The following FGD3 variants were observed in gnomAD, a reference collection of about 807,000 sequenced individuals.
The protein encoded by FGD3 is FYVE, RhoGEF and PH domain containing 3.
A neutral mutation model predicts 71.8 loss-of-function variants in FGD3; 45 were observed. That is an observed-to-expected ratio of 0.63 (90% CI 0.49 to 0.80). The LOEUF (loss-of-function observed/expected upper bound fraction) is 0.80, where lower values mean the gene tolerates loss of function less well. FGD3 is among the 30% of genes least tolerant of loss of function. FGD3 has a pLI of 0.00. For missense variants in FGD3, 844 were observed against 951.5 expected (o/e 0.89, Z 1.49); for synonymous variants, 378 against 392.8 (o/e 0.96, Z 0.44).
At chr9:92,992,671 G>A (rs562448779) in intron 3 of FGD3, among the ~76,000 whole-genome samples, 16 of 152,244 alleles carry the variant, frequency 1.1e-4, no homozygotes, top group African/African-American at 2.4e-4. Flanking sequence ...GAATGCAGAC[G>A]GAGCCCAGTG....
chr9:93,033,188 T>C, intron 16 of FGD3: 2 of 425,452 alleles, frequency 4.7e-6, no homozygotes, highest in Non-Finnish European at 4.5e-6. Flanking sequence ...AGTCCAGGCC[T>C]TGAGGCCCAC....
intron 3 of FGD3, among the ~76,000 whole-genome samples, chr9:92,989,709 C>T (rs1291143378): frequency 1.3e-5 from 2 of 152,214 alleles, no homozygotes; most frequent in Non-Finnish European, 2.9e-5. Context: ...ATGTATTCAT[C>T]TGGTTCTCAG....
intron 1 of FGD3, among the ~76,000 whole-genome samples, chr9:92,974,167 C>G (rs1564145662): frequency 6.6e-6 from 1 of 152,262 alleles, no homozygotes; most frequent in East Asian, 1.9e-4. Context: ...AAGCATAATT[C>G]CCCCGAGATG....
intron 14 of FGD3, among the ~76,000 whole-genome samples, chr9:93,029,556 T>C (rs1432327411): frequency 6.6e-6 from 1 of 152,242 alleles, no homozygotes; most frequent in Non-Finnish European, 1.5e-5. Flanking sequence ...AAGTGCTGTG[T>C]TCCTCCAGCT....
intron 1 of FGD3, among the ~76,000 whole-genome samples, chr9:92,966,087 G>A (rs1402431455): frequency 6.6e-6 from 1 of 152,220 alleles, no homozygotes; most frequent in Non-Finnish European, 1.5e-5. Context: ...AACAGGATAT[G>A]AGGACCTTCA....
At chr9:92,963,450 T>A (rs955692365) in intron 1 of FGD3, among the ~76,000 whole-genome samples, 3 of 152,028 alleles carry the variant, frequency 2.0e-5, no homozygotes, top group African/African-American at 7.2e-5. Flanking sequence ...CAAGCATGCG[T>A]CACAATGCCC....
At chr9:92,959,195 A>G (rs1364892324) in intron 1 of FGD3, among the ~76,000 whole-genome samples, 1 of 152,180 alleles carries the variant, frequency 6.6e-6, no homozygotes, top group Non-Finnish European at 1.5e-5. Context: ...TCCTGACCTC[A>G]GGCAATCCGC....
intron 3 of FGD3, among the ~76,000 whole-genome samples, chr9:92,994,263 T>C (rs952268534): frequency 6.6e-6 from 1 of 152,240 alleles, no homozygotes; most frequent in African/African-American, 2.4e-5. Context: ...ATGAATGTCT[T>C]CTTTTGAGAA....
intron 13 of FGD3, among the ~76,000 whole-genome samples, chr9:93,021,570 T>G (rs1380378721): frequency 6.6e-6 from 1 of 152,076 alleles, no homozygotes; most frequent in Non-Finnish European, 1.5e-5. Context: ...CCCTGAACCC[T>G]ATGCCAGGCC....
Position 93,003,124 on chromosome 9 carries a change from T to C in FGD3, c.543+110T>C. 9.3e-7 allele frequency: 1 copy of C among 1,079,314 alleles called. No homozygotes were observed. Among genetic ancestry groups the C allele is most frequent in the Non-Finnish European group, 1.3e-6 (1 of 745,738 alleles). The allele number at this position is 1,079,314 out of a possible 1,614,324, so 66.9% of individuals were successfully genotyped here. A position where few individuals can be genotyped will look rare whatever the true frequency, so the allele number is the denominator to read the frequency against. ...AAAACTCAGACAAATTTAAGTCTGG[T>C]CTACAAACTTTTTTTTTTTTTTGAG... On this transcript the variant is annotated intron_variant, in intron 4 of 17. Coordinates refer to ENST00000375482, the MANE Select transcript of FGD3 (RefSeq NM_001083536.2). This position sits in a 1 kb window ranked among gnomAD's most constrained non-coding sequence, Gnocchi z 4.1.
At chr9:93,009,619 C>T (rs1317957571) in intron 6 of FGD3, among the ~76,000 whole-genome samples, 2 of 152,214 alleles carry the variant, frequency 1.3e-5, no homozygotes, top group East Asian at 3.9e-4. Flanking sequence ...GCATTCAGCA[C>T]ACGTGTCTGG....
At chr9:93,008,004 T>G (rs544355945) in intron 6 of FGD3, among the ~76,000 whole-genome samples, 59 of 152,252 alleles carry the variant, frequency 3.9e-4, no homozygotes, top group Non-Finnish European at 7.2e-4. Flanking sequence ...CATGGCCTTT[T>G]GCAGGTTTCC....
At chr9:93,023,268 C>T (rs926896065) in intron 14 of FGD3, among the ~76,000 whole-genome samples, 1 of 152,164 alleles carries the variant, frequency 6.6e-6, no homozygotes, top group Non-Finnish European at 1.5e-5. Flanking sequence ...GCTGGCTGCC[C>T]CCTCCCATGA....
At chr9:92,962,737 T>G (rs549203203) in intron 1 of FGD3, among the ~76,000 whole-genome samples, 57 of 152,122 alleles carry the variant, frequency 3.7e-4, no homozygotes, top group Middle Eastern at 3.4e-3. Context: ...GGTCAGGAGT[T>G]GAGACCAGCC....
intron 3 of FGD3, among the ~76,000 whole-genome samples, chr9:92,993,808 T>A (rs538207402): frequency 2.6e-5 from 4 of 152,364 alleles, no homozygotes; most frequent in Non-Finnish European, 4.4e-5. Context: ...TCATTTTTTA[T>A]GGCTGCATAG....
intron 12 of FGD3, among the ~76,000 whole-genome samples, 178 bp downstream of exon 12, chr9:93,020,039 C>T (rs1349200947): frequency 1.3e-5 from 2 of 152,244 alleles, no homozygotes. Context: ...GCCACAAGCC[C>T]TTCAACCCAT....
At chr9:92,972,100 G>C (rs897980773) in intron 1 of FGD3, among the ~76,000 whole-genome samples, 1 of 151,580 alleles carries the variant, frequency 6.6e-6, no homozygotes, top group African/African-American at 2.4e-5. Context: ...GGCTCCTTTT[G>C]TTCAGCATAA....
In FGD3 at chr9:92,969,421, G is replaced by A. The variant is rs1394424006; in HGVS notation, c.-217-5817G>A. 6.6e-6 allele frequency among the ~76,000 whole-genome samples: 1 copy of A among 152,242 alleles called. No homozygotes were observed. Among genetic ancestry groups the A allele is most frequent in the East Asian group, 1.9e-4 (1 of 5,202 alleles). ...TCTAGTTACAGCGAGTCTCTTAGGG[G>A]CTCTGTATTTAGGGGAGGGATGTCA... On this transcript the variant is annotated intron_variant, in intron 1 of 17. Coordinates refer to ENST00000375482, the MANE Select transcript of FGD3 (RefSeq NM_001083536.2). This position sits in a 1 kb window ranked among gnomAD's most constrained non-coding sequence, Gnocchi z 4.5.
At chr9:92,954,683 G>A (rs1354173118) in intron 1 of FGD3, among the ~76,000 whole-genome samples, 1 of 152,156 alleles carries the variant, frequency 6.6e-6, no homozygotes, top group Non-Finnish European at 1.5e-5. Flanking sequence ...CTGAGTGACC[G>A]CACTTTGGCC....
Sources: gnomAD v4.1 joint callset for allele counts (sites outside exome capture counted in the v4.1 genomes callset) on GRCh38, gnomAD v4.1.1 for gene constraint, Gnocchi (gnomAD v3.1) non-coding constraint, MANE v1.5 for transcripts, NCBI Gene and HGNC (gene_info 2026-07-23, HGNC 2026-07-21) for gene names.